The following DGLUCY variants were observed in gnomAD, a reference collection of about 807,000 sequenced individuals.
The protein encoded by DGLUCY is D-glutamate cyclase, also known as D-glutamate cyclase, mitochondrial.
DGLUCY carries 58 observed loss-of-function variants against 58.5 expected under a neutral mutation model. That is an observed-to-expected ratio of 0.99 (90% CI 0.80 to 1.23). The LOEUF is 1.23. Ranked by LOEUF, DGLUCY falls within the 50% of genes most tolerant of loss-of-function variation. The pLI is 0.00. For synonymous variants in DGLUCY, 325 were observed against 314.1 expected (o/e 1.03, Z -0.37); for missense variants, 779 against 784.7 (o/e 0.99, Z 0.09).
chr14:91,193,225 A>G (rs1313741238), intron 9 of DGLUCY, among the ~76,000 whole-genome samples: 1 of 152,132 alleles, frequency 6.6e-6, no homozygotes, highest in African/African-American at 2.4e-5. Flanking sequence ...CCTCGGGAGG[A>G]AGGGCTGCCG....
At chr14:91,206,476 G>A (rs1595919527) in intron 12 of DGLUCY, among the ~76,000 whole-genome samples, 2 of 152,014 alleles carry the variant, frequency 1.3e-5, no homozygotes, top group East Asian at 1.9e-4. Flanking sequence ...TCTGCCTCCC[G>A]GGTTCAAACT....
chr14:91,077,342 AAAAG>A lies in DGLUCY; in HGVS notation c.-82+16643_-82+16646del, dbSNP rs1351375619. Among the ~76,000 whole-genome samples, 77 of 135,018 alleles carry A rather than the reference AAAAG, an allele frequency of 5.7e-4. 1 individual carries two copies. Among genetic ancestry groups the A allele is most frequent in the African/African-American group, 1.9e-3 (73 of 39,162 alleles). 88.6% of individuals were successfully genotyped at this position (135,018 alleles called of 152,430 possible). A position where few individuals can be genotyped will look rare whatever the true frequency, so the allele number is the denominator to read the frequency against. ...GGAAGGAGAGAGAGAGGCAGAGAAA[AAAAG>A]AAAGGGAGAAGGAAGGGAGGGAGGA... On this transcript the variant is annotated intron_variant, in intron 1 of 4. Transcript: ENST00000521334.
At chr14:91,211,099 C>T (rs1885616547) in intron 12 of DGLUCY, among the ~76,000 whole-genome samples, 1 of 152,084 alleles carries the variant, frequency 6.6e-6, no homozygotes. Context: ...TTACCATTTA[C>T]ATTAATTCCC....
At chr14:91,221,580 A>T (rs769592311) in intron 13 of DGLUCY, among the ~76,000 whole-genome samples, 3 of 150,722 alleles carry the variant, frequency 2.0e-5, no homozygotes, top group Non-Finnish European at 3.0e-5. Flanking sequence ...TAATAGATGG[A>T]TGCATAGATG....
chr14:91,154,546 T>C lies in DGLUCY; in HGVS notation c.-81-3093T>C, dbSNP rs185643175. Among the ~76,000 whole-genome samples, 509 of 152,334 alleles carry C rather than the reference T, an allele frequency of 3.3e-3. 7 individuals are homozygous for C. Among genetic ancestry groups the C allele is most frequent in the Non-Finnish European group, 6.0e-3 (406 of 68,026 alleles). The stretch of plus-strand genomic sequence containing the variant: ...GATGTTGAAGCCCACAAGGAATTCA[T>C]CTTTTAGCGATCTTATTTAGGAACA... On this transcript the variant is annotated intron_variant, in intron 1 of 13. Coordinates refer to ENST00000256324, the MANE Select transcript of DGLUCY (RefSeq NM_001102368.3).
At chr14:91,197,826 G>A (rs1211611512) in intron 10 of DGLUCY, among the ~76,000 whole-genome samples, 2 of 152,148 alleles carry the variant, frequency 1.3e-5, no homozygotes, top group African/African-American at 2.4e-5. Flanking sequence ...TCCTGCTCTT[G>A]GCTATGCTGA....
chr14:91,073,976 C>T (rs184493580), intron 1 of DGLUCY, among the ~76,000 whole-genome samples: 1 of 151,426 alleles, frequency 6.6e-6, no homozygotes, highest in South Asian at 2.1e-4. Context: ...TTAAAAATTG[C>T]CTGGCACGGT....
chr14:91,171,224 G>A (rs1429268374), intron 5 of DGLUCY, among the ~76,000 whole-genome samples: 1 of 152,170 alleles, frequency 6.6e-6, no homozygotes, highest in Non-Finnish European at 1.5e-5. Flanking sequence ...AAGTCCCAAA[G>A]CCAGATGGGA....
At chr14:91,213,094 C>T (rs1233789289) in intron 12 of DGLUCY, among the ~76,000 whole-genome samples, 1 of 151,794 alleles carries the variant, frequency 6.6e-6, no homozygotes. Flanking sequence ...TATGATTGTG[C>T]CACTGCACTC....
chr14:91,175,003 C>T (rs559316506), intron 6 of DGLUCY, among the ~76,000 whole-genome samples: 10 of 152,252 alleles, frequency 6.6e-5, no homozygotes, highest in African/African-American at 9.6e-5. Flanking sequence ...TTTCTCTACA[C>T]GCTCACCCAC....
At chr14:91,173,489 C>G in intron 6 of DGLUCY, 50 bp downstream of exon 6, 1 of 1,529,416 alleles carries the variant, frequency 6.5e-7, no homozygotes, top group Non-Finnish European at 8.8e-7. Context: ...CATGGGCAAC[C>G]CAGGTCAGTG....
In DGLUCY at chr14:91,167,370, A is replaced by G. The variant is rs1407536397; in HGVS notation, c.249A>G (p.Ser83=). Residue 83 remains serine, a synonymous_variant, in exon 4 of 14, where the codon TCA becomes TCG. Transcript: ENST00000256324. ...KWMLPPQGAI[S]ETRMGHPQFW... ...TGCTGCCCCCTCAAGGTGCTATCTC[A>G]GAGACCAGGTAAAAAGCTTGGGTTA... 1 of 1,614,086 alleles carries G rather than the reference A, an allele frequency of 6.2e-7. No homozygotes were observed. Among genetic ancestry groups the G allele is most frequent in the Admixed American group, 1.7e-5 (1 of 60,012 alleles).
intron 1 of DGLUCY, among the ~76,000 whole-genome samples, chr14:91,075,896 T>C (rs1454934273): frequency 6.6e-6 from 1 of 152,206 alleles, no homozygotes; most frequent in Non-Finnish European, 1.5e-5. Flanking sequence ...GCAGATCACC[T>C]GAGGTTGGGA....
intron 3 of DGLUCY, among the ~76,000 whole-genome samples, chr14:91,165,590 A>G (rs1253831186): frequency 2.6e-5 from 4 of 152,196 alleles, no homozygotes; most frequent in Non-Finnish European, 5.9e-5. Context: ...TCTGCCCCCC[A>G]AAAAGATACC....
At chr14:91,136,375 C>A (rs12885263) in intron 1 of DGLUCY, among the ~76,000 whole-genome samples, 92 of 152,000 alleles carry the variant, frequency 6.1e-4, no homozygotes, top group African/African-American at 2.1e-3. Flanking sequence ...TTATGTGACA[C>A]GAGAGCCTTT....
At chr14:91,153,555 A>C (rs2047438096) in intron 1 of DGLUCY, among the ~76,000 whole-genome samples, 1 of 152,208 alleles carries the variant, frequency 6.6e-6, no homozygotes, top group African/African-American at 2.4e-5. Context: ...AGTGAGTACA[A>C]CAGATGGAAA....
chr14:91,148,494 CTG>C (rs1191348662), intron 1 of DGLUCY: 1 of 151,844 alleles, frequency 6.6e-6, no homozygotes, highest in African/African-American at 2.4e-5. Context: ...GCATGAGCCA[CTG>C]TGCCTGGCTA....
At chr14:91,153,832 G>A (rs60838495) in intron 1 of DGLUCY, among the ~76,000 whole-genome samples, 3,225 of 152,296 alleles carry the variant, frequency 0.021, 98 homozygotes, top group African/African-American at 0.073. Context: ...AGGATACAGC[G>A]TTAACATACA....
chr14:91,196,880 A>G (rs143435644), intron 10 of DGLUCY, among the ~76,000 whole-genome samples: 141 of 152,240 alleles, frequency 9.3e-4, no homozygotes, highest in Middle Eastern at 6.8e-3. Context: ...ATCATTGTAT[A>G]TCTTGTATAG....
Sources: allele counts gnomAD v4.1 joint callset (sites outside exome capture counted in the v4.1 genomes callset), GRCh38; gene constraint gnomAD v4.1.1; transcripts MANE v1.5; gene names NCBI Gene and HGNC (gene_info 2026-07-23, HGNC 2026-07-21).